Variants in COL23A1 observed in about 807,000 individuals in gnomAD.
COL23A1 encodes collagen type XXIII alpha 1 chain.
A neutral mutation model predicts 99.3 loss-of-function variants in COL23A1; 97 were observed. The observed-to-expected ratio is 0.98, with a 90% CI of 0.83 to 1.16. The LOEUF (loss-of-function observed/expected upper bound fraction) is 1.16. Among genes scored for constraint, COL23A1 ranks in the 50% most tolerant of loss-of-function variants. The pLI, the probability that COL23A1 is intolerant of heterozygous loss-of-function variation, is 0.00. For synonymous variants in COL23A1, 320 were observed against 308.2 expected, an observed-to-expected ratio of 1.04 and a Z score of -0.40; for missense variants, 762 against 757.4, an observed-to-expected ratio of 1.01 and a Z score of -0.07.
At chr5:178,441,484 A>T (rs1766863044) in intron 2 of COL23A1, among the ~76,000 whole-genome samples, 1 of 152,136 alleles carries the variant, frequency 6.6e-6, no homozygotes, top group African/African-American at 2.4e-5. Context: ...GCAACTGCAG[A>T]GCCGGAAACC....
At position 178,249,985 on chromosome 5, in the gene COL23A1, G is replaced by GCACACACACA. The variant is rs5873601; in HGVS notation, c.1059+66_1059+75dup. 1,193 of 1,307,902 alleles carry GCACACACACA rather than the reference G, an allele frequency of 9.1e-4. 7 individuals are homozygous for GCACACACACA. In the African/African-American group the frequency reaches 0.016, roughly 18 times the overall value. The allele number at this position is 1,307,902 out of a possible 1,614,324, so 81.0% of individuals were successfully genotyped here. A position where few individuals can be genotyped will look rare whatever the true frequency, so the allele number is the denominator to read the frequency against. On this transcript the variant is annotated intron_variant, in intron 18 of 28. Coordinates refer to ENST00000390654, the MANE Select transcript of COL23A1 (RefSeq NM_173465.4). ...TCTAACTCTGTGCACACATGCACAC[G>GCACACACACA]CACACACACACACACACACACACAG...
intron 2 of COL23A1, among the ~76,000 whole-genome samples, chr5:178,454,258 G>T (rs781087336): frequency 2.7e-5 from 4 of 149,730 alleles, no homozygotes; most frequent in African/African-American, 4.9e-5. Context: ...GACATGAAAT[G>T]AAAAAGCTCA....
chr5:178,400,904 C>A (rs1212170642), intron 2 of COL23A1, among the ~76,000 whole-genome samples: 1 of 152,220 alleles, frequency 6.6e-6, no homozygotes, highest in Non-Finnish European at 1.5e-5. Flanking sequence ...TCCCAAAGTG[C>A]TGGGATTACA....
chr5:178,389,776 C>T (rs1227581946), intron 2 of COL23A1, among the ~76,000 whole-genome samples: 20 of 152,166 alleles, frequency 1.3e-4, no homozygotes, highest in Admixed American at 1.2e-3. Flanking sequence ...TCCCTGTGGC[C>T]TTGGTGAGCC....
intron 2 of COL23A1, among the ~76,000 whole-genome samples, chr5:178,343,664 T>TATA (rs141882396): frequency 0.026 from 3,354 of 128,748 alleles, 55 homozygotes; most frequent in Middle Eastern, 0.038. Flanking sequence ...TATATATATA[T>TATA]TTTTTTTTTT....
chr5:178,553,825 C>G (rs953127708), intron 2 of COL23A1, among the ~76,000 whole-genome samples: 1 of 152,312 alleles, frequency 6.6e-6, no homozygotes, highest in East Asian at 1.9e-4. Context: ...CTCTTCCCCT[C>G]CTGAAGATTC....
intron 4 of COL23A1, among the ~76,000 whole-genome samples, chr5:178,288,757 G>A (rs1757296354): frequency 6.6e-6 from 1 of 151,596 alleles, no homozygotes; most frequent in African/African-American, 2.4e-5. Flanking sequence ...CACTGGGATG[G>A]GGTGAACCAA....
intron 2 of COL23A1, among the ~76,000 whole-genome samples, chr5:178,373,340 CGCA>C (rs1762901546): frequency 6.6e-6 from 1 of 152,194 alleles, no homozygotes; most frequent in African/African-American, 2.4e-5. Context: ...GTTTGGGTTC[CGCA>C]GAACTGACTG....
At chr5:178,323,512 T>C (rs1214012360) in intron 2 of COL23A1, among the ~76,000 whole-genome samples, 1 of 151,898 alleles carries the variant, frequency 6.6e-6, no homozygotes, top group Non-Finnish European at 1.5e-5. Context: ...CTGCTTTGAG[T>C]GGGGTTGGGC....
rs1763724555 is a variant in COL23A1, at chr5:178,387,275, G to T, written c.362-80356C>A. On this transcript the variant is annotated intron_variant, in intron 2 of 28. Transcript: ENST00000390654. The surrounding 1 kb of genome is among the most constrained non-coding windows in gnomAD (Gnocchi z 4.7). ...GCCTGGTGATCACCCCTTATGCCTG[G>T]GCCCAGACTCCCCACTTCTCTTCCT... Among the ~76,000 whole-genome samples, 1 of 151,950 alleles carries T rather than the reference G, an allele frequency of 6.6e-6. No homozygotes were observed. The highest frequency in any genetic ancestry group is 1.5e-5 in the Non-Finnish European group (1 of 67,992).
chr5:178,441,837 C>A (rs959013170), intron 2 of COL23A1, among the ~76,000 whole-genome samples: 1 of 152,060 alleles, frequency 6.6e-6, no homozygotes, highest in South Asian at 2.1e-4. Context: ...ATCCCACCAA[C>A]CCCAACCTGA....
chr5:178,358,262 ATG>A (rs796783505), intron 2 of COL23A1, among the ~76,000 whole-genome samples: 14 of 101,692 alleles, frequency 1.4e-4, no homozygotes, highest in South Asian at 3.1e-4. Flanking sequence ...GTGTATGTAT[ATG>A]TGTGTATATG....
At chr5:178,414,694 C>T (rs1027008359) in intron 2 of COL23A1, among the ~76,000 whole-genome samples, 34 of 152,174 alleles carry the variant, frequency 2.2e-4, no homozygotes, top group African/African-American at 8.0e-4. Flanking sequence ...ATCACTTGAA[C>T]CCGGGAGGCG....
At chr5:178,378,629 G>C (rs1433365085) in intron 2 of COL23A1, among the ~76,000 whole-genome samples, 1 of 152,242 alleles carries the variant, frequency 6.6e-6, no homozygotes, top group Non-Finnish European at 1.5e-5. Context: ...ACAATGAACA[G>C]AGCTGATGGG....
chr5:178,450,763 A>G (rs1191579031), intron 2 of COL23A1, among the ~76,000 whole-genome samples: 2 of 152,092 alleles, frequency 1.3e-5, no homozygotes, highest in Non-Finnish European at 2.9e-5. Flanking sequence ...ATCTCACTTA[A>G]TTCCTCACAA....
intron 2 of COL23A1, among the ~76,000 whole-genome samples, chr5:178,508,169 G>T (rs1240374847): frequency 6.6e-6 from 1 of 151,794 alleles, no homozygotes; most frequent in Non-Finnish European, 1.5e-5. Context: ...TTTAATTTTG[G>T]TTTTTGCATT....
chr5:178,590,084 C>G lies in COL23A1; in HGVS notation c.114G>C (p.Ala38=), dbSNP rs770310178. 1 of 1,307,288 alleles carries G rather than the reference C, an allele frequency of 7.6e-7. No homozygotes were observed. The highest frequency in any genetic ancestry group is 2.1e-5 in the South Asian group (1 of 48,772). The allele number at this position is 1,307,288 out of a possible 1,614,324, so 81.0% of individuals were successfully genotyped here. A position where few individuals can be genotyped will look rare whatever the true frequency, so the allele number is the denominator to read the frequency against. ...ATTAGSRAVS[A]LCLLLSVGSA... is the part of the protein sequence containing the mutation. ...AGCCCACGGAGAGCAGCAGGCACAG[C>G]GCGCTCACCGCCCGGGACCCGGCCG... The change falls in exon 1 of 29, where the codon GCG becomes GCC. Residue 38 remains alanine, a synonymous_variant. Transcript: ENST00000390654. This position sits in a 1 kb window ranked among gnomAD's most constrained non-coding sequence, Gnocchi z 5.7.
At chr5:178,549,921 A>T (rs549760923) in intron 2 of COL23A1, among the ~76,000 whole-genome samples, 1 of 152,248 alleles carries the variant, frequency 6.6e-6, no homozygotes, top group East Asian at 1.9e-4. Context: ...GGACATCAGT[A>T]TTATATTCTT....
chr5:178,314,350 G>A (rs545907016), intron 2 of COL23A1, among the ~76,000 whole-genome samples: 1 of 152,276 alleles, frequency 6.6e-6, no homozygotes, highest in East Asian at 1.9e-4. Flanking sequence ...GGCTGCCAGG[G>A]TTTTAAGGCA....
Sources: gnomAD v4.1 joint callset for allele counts (sites outside exome capture counted in the v4.1 genomes callset) on GRCh38, gnomAD v4.1.1 for gene constraint, Gnocchi (gnomAD v3.1) non-coding constraint, MANE v1.5 for transcripts, NCBI Gene and HGNC (gene_info 2026-07-23, HGNC 2026-07-21) for gene names.